Variants in GPHN observed in about 807,000 individuals in gnomAD.
The protein encoded by GPHN is gephyrin.
GPHN carries 17 observed loss-of-function variants against 95.5 expected under a neutral mutation model. The ratio of observed to expected loss-of-function variants is 0.18; its 90% CI spans 0.12 to 0.27. The LOEUF (loss-of-function observed/expected upper bound fraction) is 0.27. Among genes scored for constraint, GPHN ranks in the 10% least tolerant of loss-of-function variants. The probability of loss-of-function intolerance (pLI) is 1.00; values close to 1 mark genes in which losing one functional copy is unlikely to be tolerated. For missense variants in GPHN, 660 were observed against 978.1 expected, an observed-to-expected ratio of 0.67 and a Z score of 4.34; for synonymous variants, 320 against 322.5, an observed-to-expected ratio of 0.99 and a Z score of 0.08.
the GPHN span, among the ~76,000 whole-genome samples, chr14:67,445,074 T>C: frequency 2.0e-5 from 3 of 152,110 alleles, no homozygotes; most frequent in African/African-American, 7.2e-5. Flanking sequence ...TTACACAAAT[T>C]CTTGAACAAT....
At chr14:67,704,450 A>G in the GPHN span, among the ~76,000 whole-genome samples, 2 of 152,308 alleles carry the variant, frequency 1.3e-5, no homozygotes, top group East Asian at 1.9e-4. Flanking sequence ...CTGTGTGTGC[A>G]AATAAATTAT....
At chr14:66,794,348 A>G (rs970664665) in intron 3 of GPHN, among the ~76,000 whole-genome samples, 2 of 152,142 alleles carry the variant, frequency 1.3e-5, no homozygotes, top group African/African-American at 2.4e-5. Flanking sequence ...GTCTTCTGCC[A>G]TAATGTAAGT....
chr14:67,623,398 G>A, the GPHN span, among the ~76,000 whole-genome samples: 2 of 152,164 alleles, frequency 1.3e-5, no homozygotes, highest in Non-Finnish European at 2.9e-5. Context: ...TTGCTCTGAT[G>A]TCACAGGCTG....
the GPHN span, among the ~76,000 whole-genome samples, chr14:67,444,963 G>A: frequency 6.6e-6 from 1 of 152,134 alleles, no homozygotes; most frequent in Admixed American, 6.5e-5. Context: ...ATTCCACCAT[G>A]TTGGCCAAGT....
chr14:67,638,233 C>T, the GPHN span, among the ~76,000 whole-genome samples: 1 of 151,942 alleles, frequency 6.6e-6, no homozygotes, highest in Non-Finnish European at 1.5e-5. Flanking sequence ...TGTATTATGC[C>T]TATAACTAGC....
chr14:66,866,545 GA>G (rs895251168), intron 4 of GPHN, among the ~76,000 whole-genome samples: 5 of 152,090 alleles, frequency 3.3e-5, no homozygotes, highest in Non-Finnish European at 7.4e-5. Flanking sequence ...AAAAGTTATT[GA>G]AAAATAATAT....
At chr14:66,632,807 G>T (rs2063892332) in intron 1 of GPHN, among the ~76,000 whole-genome samples, 1 of 152,028 alleles carries the variant, frequency 6.6e-6, no homozygotes, top group South Asian at 2.1e-4. Context: ...AATACATTCT[G>T]CGTATTCCAG....
chr14:67,344,240 T>G, the GPHN span, among the ~76,000 whole-genome samples: 1 of 152,218 alleles, frequency 6.6e-6, no homozygotes, highest in Admixed American at 6.5e-5. Flanking sequence ...GAGTCCTCCC[T>G]TCTCCTAAAC....
At chr14:67,171,652 T>TC (rs1375044005) in intron 21 of GPHN, among the ~76,000 whole-genome samples, 3 of 150,316 alleles carry the variant, frequency 2.0e-5, no homozygotes, top group South Asian at 2.1e-4. Context: ...CTCATGCCCA[T>TC]CCCCCCCTCA....
intron 2 of GPHN, among the ~76,000 whole-genome samples, chr14:66,742,499 T>G (rs190952849): frequency 2.6e-5 from 4 of 152,220 alleles, no homozygotes; most frequent in Non-Finnish European, 4.4e-5. Context: ...TTATAGAAAT[T>G]TATTGTGTTG....
At chr14:67,037,822 G>A (rs1017726633) in intron 10 of GPHN, among the ~76,000 whole-genome samples, 1 of 151,580 alleles carries the variant, frequency 6.6e-6, no homozygotes, top group African/African-American at 2.4e-5. Flanking sequence ...GTGATCATAG[G>A]GAGAAATTGG....
intron 2 of GPHN, among the ~76,000 whole-genome samples, chr14:66,736,782 T>G (rs577810159): frequency 6.6e-6 from 1 of 152,212 alleles, no homozygotes; most frequent in Non-Finnish European, 1.5e-5. Context: ...TATTTTCTAT[T>G]TGCACTTCAT....
intron 8 of GPHN, among the ~76,000 whole-genome samples, chr14:66,958,533 C>G (rs1003305537): frequency 3.9e-5 from 6 of 152,164 alleles, no homozygotes; most frequent in Admixed American, 1.3e-4. Context: ...CAACTACACA[C>G]CTAAGCCAAA....
At chr14:66,934,448 G>A (rs969479376) in intron 8 of GPHN, among the ~76,000 whole-genome samples, 1 of 152,148 alleles carries the variant, frequency 6.6e-6, no homozygotes, top group Non-Finnish European at 1.5e-5. Flanking sequence ...TGTAGTTTGG[G>A]TGGAATTGAT....
chr14:67,407,497 G>A, the GPHN span, among the ~76,000 whole-genome samples: 2 of 151,762 alleles, frequency 1.3e-5, no homozygotes, highest in African/African-American at 2.4e-5. Context: ...CTGGAGTGCA[G>A]TGGCATGATC....
At chr14:66,962,055 A>G (rs1320393642) in intron 8 of GPHN, among the ~76,000 whole-genome samples, 1 of 149,608 alleles carries the variant, frequency 6.7e-6, no homozygotes, top group Non-Finnish European at 1.5e-5. Flanking sequence ...TTGTCTATCA[A>G]CAGAGTAATC....
the GPHN span, among the ~76,000 whole-genome samples, chr14:67,194,423 C>T: frequency 1.3e-5 from 2 of 151,644 alleles, no homozygotes; most frequent in South Asian, 2.1e-4. Flanking sequence ...GTAAAATATA[C>T]GATGATGAGG....
At chr14:66,949,771 T>C (rs536060194) in intron 8 of GPHN, among the ~76,000 whole-genome samples, 2 of 152,224 alleles carry the variant, frequency 1.3e-5, no homozygotes, top group South Asian at 4.1e-4. Flanking sequence ...GTGGCAAAAA[T>C]AATTATTAGA....
chr14:67,524,717 C>T, the GPHN span, among the ~76,000 whole-genome samples: 76 of 152,314 alleles, frequency 5.0e-4, no homozygotes, highest in African/African-American at 1.8e-3. Flanking sequence ...AACCGCCAAA[C>T]CACAAGAACA....
Sources: gnomAD v4.1 joint callset for allele counts (sites outside exome capture counted in the v4.1 genomes callset) on GRCh38, gnomAD v4.1.1 for gene constraint, MANE v1.5 for transcripts, NCBI Gene and HGNC (gene_info 2026-07-23, HGNC 2026-07-21) for gene names.